Variants in ANAPC10 observed in about 807,000 individuals in gnomAD.
ANAPC10 encodes anaphase promoting complex subunit 10, also known as anaphase-promoting complex subunit 10.
A neutral mutation model predicts 22.0 loss-of-function variants in ANAPC10; 12 were observed. The ratio of observed to expected loss-of-function variants is 0.55; its 90% CI spans 0.35 to 0.88. The LOEUF is 0.88. Ranked by LOEUF, ANAPC10 falls within the 40% of genes least tolerant of loss-of-function variation. The probability of loss-of-function intolerance (pLI) is 0.01; values close to 1 mark genes in which losing one functional copy is unlikely to be tolerated. For missense variants in ANAPC10, 188 were observed against 220.9 expected, an observed-to-expected ratio of 0.85 and a Z score of 0.94; for synonymous variants, 65 against 69.5, an observed-to-expected ratio of 0.94 and a Z score of 0.32.
chr4:145,030,799 A>C (rs1045855584), intron 4 of ANAPC10, among the ~76,000 whole-genome samples: 1 of 152,342 alleles, frequency 6.6e-6, no homozygotes. Context: ...AAACAGTATC[A>C]CATCCCTGGA....
At chr4:145,020,871 CTT>C (rs2126986042) in intron 4 of ANAPC10, among the ~76,000 whole-genome samples, 1 of 151,570 alleles carries the variant, frequency 6.6e-6, no homozygotes, top group South Asian at 2.1e-4. Context: ...AAGAAAAAAA[CTT>C]AGGAATATAC....
upstream of ANAPC10, chr4:145,098,253 A>C (rs766797098): frequency 6.6e-6 from 1 of 152,270 alleles, no homozygotes; most frequent in East Asian, 1.9e-4. Flanking sequence ...GTTCCGCCTC[A>C]CGCTCTATGT....
At chr4:145,042,140 C>A (rs1258048877) in intron 4 of ANAPC10, among the ~76,000 whole-genome samples, 1 of 152,000 alleles carries the variant, frequency 6.6e-6, no homozygotes. Context: ...TTGAGACTGC[C>A]AACACACTAG....
At chr4:145,043,807 T>C (rs1431960300) in intron 4 of ANAPC10, among the ~76,000 whole-genome samples, 5 of 152,098 alleles carry the variant, frequency 3.3e-5, no homozygotes, top group Non-Finnish European at 1.5e-5. Context: ...AACTGGAGGA[T>C]CCATATTACC....
intron 4 of ANAPC10, among the ~76,000 whole-genome samples, chr4:144,997,773 GAC>G (rs1212834403): frequency 6.6e-6 from 1 of 152,120 alleles, no homozygotes; most frequent in East Asian, 1.9e-4. Context: ...CCAATTGAAA[GAC>G]ACAGACTGGC....
intron 2 of ANAPC10, among the ~76,000 whole-genome samples, chr4:145,086,109 C>A (rs1337351993): frequency 6.6e-6 from 1 of 152,074 alleles, no homozygotes. Flanking sequence ...ATTACAGGCG[C>A]CTGCCAACAC....
chr4:145,096,224 A>C, intron 1 of ANAPC10, 113 bp from the exon 2 acceptor site: 1 of 1,070,962 alleles, frequency 9.3e-7, no homozygotes, highest in Non-Finnish European at 1.3e-6. Flanking sequence ...TTAATCATTT[A>C]TTCTGAAGAA....
rs375502265 is a variant in ANAPC10 at position 145,048,303 on chromosome 4, T to C, written c.327+16269A>G. ...TGTGCTAACCAAAGCCATCAAAGATTTGTGGGCCCTGAAAAGAAATATGCC... is the reference window on the plus strand; with the variant it reads ...TGTGCTAACCAAAGCCATCAAAGATCTGTGGGCCCTGAAAAGAAATATGCC... On this transcript the variant is annotated intron_variant, in intron 4 of 4. Transcript: ENST00000507656. 6.6e-5 allele frequency among the ~76,000 whole-genome samples: 10 copies of C among 152,230 alleles called. No individual in the cohort carries two copies. The East Asian group carries it at 1.9e-3, about 29-fold the overall frequency.
intron 4 of ANAPC10, among the ~76,000 whole-genome samples, chr4:145,014,586 C>T (rs1734826943): frequency 6.6e-6 from 1 of 152,140 alleles, no homozygotes; most frequent in Admixed American, 6.5e-5. Context: ...TATACTACCA[C>T]AGCTGATGCT....
At chr4:145,080,112 T>TC (rs1315831821) in intron 3 of ANAPC10, among the ~76,000 whole-genome samples, 23 of 27,372 alleles carry the variant, frequency 8.4e-4, no homozygotes, top group African/African-American at 2.8e-3. Context: ...AGACTCTGTC[T>TC]CAAAAAAAAA....
chr4:145,053,748 C>T, intron 4 of ANAPC10: 2 of 643,474 alleles, frequency 3.1e-6, no homozygotes, highest in South Asian at 1.8e-5. Context: ...CTTGAAGATT[C>T]ATTGATTCTT....
chr4:145,072,656 T>C lies in ANAPC10; in HGVS notation c.207-7964A>G, dbSNP rs1744652522. Reference sequence around the variant, plus strand: ...GCTAAAAAAATCTACCCAATAGAGGTAGGAAAGTTAGCTCTCAAGTGCTAA... The same window carrying C: ...GCTAAAAAAATCTACCCAATAGAGGCAGGAAAGTTAGCTCTCAAGTGCTAA... On this transcript the variant is annotated intron_variant, in intron 3 of 4. Transcript: ENST00000507656. Among the ~76,000 whole-genome samples, 4 of 152,024 alleles carry C rather than the reference T, an allele frequency of 2.6e-5. No homozygotes were observed. The South Asian group carries it at 6.2e-4, about 24-fold the overall frequency.
intron 4 of ANAPC10, among the ~76,000 whole-genome samples, chr4:145,004,523 C>T (rs1733051234): frequency 6.6e-6 from 1 of 152,056 alleles, no homozygotes; most frequent in African/African-American, 2.4e-5. Context: ...TCCTTCAATG[C>T]TTGATTTGTT....
intron 3 of ANAPC10, among the ~76,000 whole-genome samples, chr4:145,078,431 T>TA (rs199509337): frequency 0.031 from 4,611 of 151,140 alleles, 94 homozygotes; most frequent in Middle Eastern, 0.075. Flanking sequence ...CAATATTGTT[T>TA]AAAAAAAAAT....
intron 4 of ANAPC10, among the ~76,000 whole-genome samples, chr4:145,020,860 A>G (rs997567274): frequency 9.9e-5 from 15 of 152,122 alleles, no homozygotes; most frequent in South Asian, 2.1e-4. Flanking sequence ...TAAAAAAGAC[A>G]AAGAAAAAAA....
chr4:145,063,400 A>C (rs1743195402), intron 4 of ANAPC10, among the ~76,000 whole-genome samples: 1 of 152,194 alleles, frequency 6.6e-6, no homozygotes, highest in Non-Finnish European at 1.5e-5. Flanking sequence ...CGAGAACAAC[A>C]CTTACTTAAT....
At chr4:145,020,588 A>G (rs1735828782) in intron 4 of ANAPC10, among the ~76,000 whole-genome samples, 1 of 152,198 alleles carries the variant, frequency 6.6e-6, no homozygotes. Context: ...CAGAGCAATC[A>G]AACAAGCGAA....
intron 4 of ANAPC10, among the ~76,000 whole-genome samples, chr4:145,061,013 CA>C (rs1742812686): frequency 6.6e-6 from 1 of 151,982 alleles, no homozygotes; most frequent in Non-Finnish European, 1.5e-5. Context: ...AAGCAACATC[CA>C]AAAATTGTAG....
chr4:145,088,405 C>T lies in ANAPC10; in HGVS notation c.116-6655G>A, dbSNP rs1243730041. On this transcript the variant is annotated intron_variant, in intron 2 of 4. Transcript: ENST00000507656. ...TAAACATTTCAACTAGAAAAATAGG[C>T]ATTGCAAAATTAACATATATAAATT... Among the ~76,000 whole-genome samples, 3 of 152,170 alleles carry T rather than the reference C, an allele frequency of 2.0e-5. No homozygotes were observed. In the East Asian group the frequency reaches 5.8e-4, roughly 29 times the overall value.
Sources: allele counts gnomAD v4.1 joint callset (sites outside exome capture counted in the v4.1 genomes callset), GRCh38; gene constraint gnomAD v4.1.1; transcripts MANE v1.5; gene names NCBI Gene and HGNC (gene_info 2026-07-23, HGNC 2026-07-21).